SMG7: variants seen among roughly 807,000 people sequenced by gnomAD.
SMG7 encodes SMG7 nonsense mediated mRNA decay factor.
SMG7 carries 34 observed loss-of-function variants against 148.2 expected under a neutral mutation model. The observed-to-expected ratio is 0.23, with a 90% CI of 0.17 to 0.31. The LOEUF (loss-of-function observed/expected upper bound fraction) is 0.31. Ranked by LOEUF, SMG7 falls within the 10% of genes least tolerant of loss-of-function variation. The pLI is 1.00. For synonymous variants in SMG7, 492 were observed against 515.1 expected (o/e 0.96, Z 0.61); for missense variants, 1,114 against 1,408.4 (o/e 0.79, Z 3.35).
intron 12 of SMG7, 81 bp from the exon 13 acceptor site, chr1:183,540,903 C>A: frequency 7.4e-7 from 1 of 1,353,158 alleles, no homozygotes. Context: ...GAAGCCATTA[C>A]AGTTAATCAG....
intron 1 of SMG7, among the ~76,000 whole-genome samples, chr1:183,504,558 C>CA (rs1384866582): frequency 6.6e-6 from 1 of 152,084 alleles, no homozygotes; most frequent in Non-Finnish European, 1.5e-5. Flanking sequence ...AGGCTGGTCT[C>CA]AAACTCCTGA....
At position 183,553,161 on chromosome 1, in the gene SMG7, G is replaced by A. The variant is rs768308015; in HGVS notation, c.*1230G>A. Reference sequence around the variant, plus strand: ...GCCCATCAGGCACAGAAGAAAACACGACGTCGTCCATTTTGGAAGAGACGA... The same window carrying A: ...GCCCATCAGGCACAGAAGAAAACACAACGTCGTCCATTTTGGAAGAGACGA... On this transcript the variant is annotated 3_prime_UTR_variant, in exon 23 of 23. Coordinates refer to ENST00000688051, the MANE Select transcript of SMG7 (RefSeq NM_001375584.1). The A allele has an allele frequency of 8.1e-5, 125 of 1,536,336 alleles. No homozygotes were observed. The highest frequency in any genetic ancestry group is 9.7e-5 in the Non-Finnish European group (111 of 1,146,926).
At chr1:183,482,568 T>G (rs762472580) in intron 1 of SMG7, among the ~76,000 whole-genome samples, 3 of 152,100 alleles carry the variant, frequency 2.0e-5, no homozygotes, top group Non-Finnish European at 4.4e-5. Context: ...TAACTAAAAG[T>G]AGGTGGTCAG....
chr1:183,542,225 G>C lies in SMG7; in HGVS notation c.1565G>C (p.Gly522Ala). 1 of 1,613,970 alleles carries C rather than the reference G, an allele frequency of 6.2e-7. No homozygotes were observed. The highest frequency in any genetic ancestry group is 8.5e-7 in the Non-Finnish European group (1 of 1,179,964). Reference protein sequence around the residue: ...IESLAADGSPGLKSVLSTSRN... With the variant: ...IESLAADGSPALKSVLSTSRN... ...TCGCTGGCTGCAGATGGGAGCCCAGGGCTAAAATCAGTGCTATCTACAAGC... is the reference window on the plus strand; with the variant it reads ...TCGCTGGCTGCAGATGGGAGCCCAGCGCTAAAATCAGTGCTATCTACAAGC... Residue 522 changes from glycine (G) to alanine (A), a missense_variant, in exon 14 of 23, where the codon GGG becomes GCG. This residue lies in a region of SMG7 where 788 missense variants were observed against 894.5 expected (regional missense o/e 0.88). Coordinates refer to ENST00000688051, the MANE Select transcript of SMG7 (RefSeq NM_001375584.1).
intron 17 of SMG7, 38 bp from the exon 18 acceptor site, chr1:183,547,065 C>A (rs1248460110): frequency 6.5e-6 from 10 of 1,533,840 alleles, no homozygotes; most frequent in South Asian, 2.4e-5. Flanking sequence ...CTTTTGTTAT[C>A]CCTTATTGCT....
chr1:183,527,922 T>C lies in SMG7; in HGVS notation c.485-34T>C. 6.4e-7 allele frequency: 1 copy of C among 1,556,210 alleles called. No homozygotes were observed. The highest frequency in any genetic ancestry group is 2.2e-5 in the East Asian group (1 of 44,464). On this transcript the variant is annotated intron_variant, in intron 5 of 22. Transcript: ENST00000688051. The surrounding 1 kb of genome is among the most constrained non-coding windows in gnomAD (Gnocchi z 4.0). ...GAAATACTACCCTACTGTTTGTTTT[T>C]TGGGTTTTTTAAAACTAATTTTCTT...
chr1:183,493,831 T>C (rs573943786), intron 1 of SMG7, among the ~76,000 whole-genome samples: 22 of 152,288 alleles, frequency 1.4e-4, no homozygotes, highest in Admixed American at 4.6e-4. Context: ...CTGCCCGCCC[T>C]GGCCTCCCAG....
Position 183,544,448 on chromosome 1 carries a change from C to A in SMG7, c.1938C>A (p.Phe646Leu). Residue 646 changes from phenylalanine to leucine, a missense_variant, in exon 15 of 23, where the codon TTC becomes TTA. Phe to Leu is a conservative substitution (Grantham distance 22). Transcript: ENST00000688051. ...CAACTCAAGCAAGTAACTCCCAGTT[C>A]ATCCCCATTCATCACCCTGGAGCCT... is the stretch of plus-strand genomic sequence containing the variant. ...QTPTQASNSQ[F>L]IPIHHPGAFP... The A allele has an allele frequency of 1.9e-6, 3 of 1,613,988 alleles. No homozygotes were observed. The highest frequency in any genetic ancestry group is 2.5e-6 in the Non-Finnish European group (3 of 1,179,880).
rs934855766 is a variant in SMG7, at chr1:183,545,306, C to T, written c.2364C>T (p.Phe788=). 1.2e-6 allele frequency: 2 copies of T among 1,608,098 alleles called. No individual in the cohort carries two copies. Among genetic ancestry groups the T allele is most frequent in the Non-Finnish European group, 1.7e-6 (2 of 1,179,732 alleles). Residue 788 remains phenylalanine, a synonymous_variant, in exon 16 of 23, where the codon TTC becomes TTT. Transcript: ENST00000688051. ...LGKSPPHHSG[F]QQYQQADASK... ...AAAGCCCGCCTCACCACTCTGGATT[C>T]CAGCAGGTAAGTTACAGTTGTGTGT...
rs190194976 is a variant in SMG7 at position 183,527,464 on chromosome 1, A to C, written c.485-492A>C. On this transcript the variant is annotated intron_variant, in intron 5 of 22. Coordinates refer to ENST00000688051, the MANE Select transcript of SMG7 (RefSeq NM_001375584.1). The surrounding 1 kb of genome is among the most constrained non-coding windows in gnomAD (Gnocchi z 4.0). ...GAGTTTGGCAGGGAGATTCATTGAT[A>C]CTGTGTTTAGGTTGTTTTGCTTTAA... is the stretch of plus-strand genomic sequence containing the variant. 1.2e-3 allele frequency among the ~76,000 whole-genome samples: 186 copies of C among 152,318 alleles called. 1 individual carries two copies. The highest frequency in any genetic ancestry group is 2.7e-3 in the Admixed American group (41 of 15,290).
At chr1:183,504,088 TTGTATTC>T (rs752552638) in intron 1 of SMG7, among the ~76,000 whole-genome samples, 11 of 152,210 alleles carry the variant, frequency 7.2e-5, no homozygotes, top group Non-Finnish European at 1.6e-4. Context: ...ATCTTTTTAG[TTGTATTC>T]TAGGCATATG....
At chr1:183,543,426 A>G (rs1255676183) in intron 14 of SMG7, among the ~76,000 whole-genome samples, 1 of 152,158 alleles carries the variant, frequency 6.6e-6, no homozygotes, top group Non-Finnish European at 1.5e-5. Context: ...AAGGAGAGAA[A>G]CAGAAAGACA....
intron 1 of SMG7, among the ~76,000 whole-genome samples, chr1:183,491,789 C>G (rs1050417764): frequency 2.0e-5 from 3 of 152,132 alleles, no homozygotes; most frequent in African/African-American, 4.8e-5. Context: ...ATTTATTTCT[C>G]ACAGATCCAG....
In SMG7 at chr1:183,472,583, G is replaced by A. The variant is rs1273200664; in HGVS notation, c.-38G>A. The A allele has an allele frequency of 3.5e-6, 5 of 1,423,930 alleles. No homozygotes were observed. The highest frequency in any genetic ancestry group is 4.6e-6 in the Non-Finnish European group (5 of 1,078,676). 88.2% of individuals were successfully genotyped at this position (1,423,930 alleles called of 1,614,324 possible). On this transcript the variant is annotated 5_prime_UTR_variant, in exon 1 of 23. Coordinates refer to ENST00000688051, the MANE Select transcript of SMG7 (RefSeq NM_001375584.1). The stretch of plus-strand genomic sequence containing the variant: ...GCTCCGAGGAGCCTGAGAGACCCAC[G>A]GAGGCTTCGCGGGAAGACGCGGCGG...
intron 1 of SMG7, among the ~76,000 whole-genome samples, chr1:183,505,711 C>G (rs569482016): frequency 1.7e-3 from 255 of 152,298 alleles, no homozygotes; most frequent in Non-Finnish European, 1.6e-3. Flanking sequence ...ATGGGTGTAG[C>G]CCTGAACACT....
chr1:183,550,863 T>C lies in SMG7; in HGVS notation c.3246T>C (p.Ile1082=). Reference sequence around the variant, plus strand: ...TTCCATTCTCCAATTTTGGACCCATTGGGACTCCAGATAACAGGGATAGAA... The same window carrying C: ...TTCCATTCTCCAATTTTGGACCCATCGGGACTCCAGATAACAGGGATAGAA... The part of the protein sequence containing the change: ...NSVPFSNFGP[I]GTPDNRDRRT... The change falls in exon 21 of 23, where the codon ATT becomes ATC. Residue 1082 remains isoleucine, a synonymous_variant. Transcript: ENST00000688051. 6.2e-7 allele frequency: 1 copy of C among 1,614,122 alleles called. No individual in the cohort carries two copies. The highest frequency in any genetic ancestry group is 8.5e-7 in the Non-Finnish European group (1 of 1,179,988).
At chr1:183,541,916 T>C (rs1344544453) in intron 13 of SMG7, among the ~76,000 whole-genome samples, 160 bp from the exon 14 acceptor site, 2 of 152,254 alleles carry the variant, frequency 1.3e-5, no homozygotes, top group African/African-American at 4.8e-5. Context: ...CCTCAGTTTC[T>C]ACATAACTAC....
intron 14 of SMG7, 120 bp from the exon 15 acceptor site, chr1:183,544,233 T>C (rs868732344): frequency 3.0e-5 from 20 of 673,434 alleles, no homozygotes; most frequent in Middle Eastern, 7.9e-4. Context: ...AATTTAAATA[T>C]CTTCAGCATG....
intron 12 of SMG7, among the ~76,000 whole-genome samples, chr1:183,540,486 TCTGATA>T (rs2102715699): frequency 6.6e-6 from 1 of 152,232 alleles, no homozygotes; most frequent in Admixed American, 6.5e-5. Flanking sequence ...GGTTTACCCT[TCTGATA>T]TCAATGAGTT....
Sources: gnomAD v4.1 joint callset for allele counts (sites outside exome capture counted in the v4.1 genomes callset) on GRCh38, gnomAD v4.1.1 for gene constraint, gnomAD v4.1.1 regional missense constraint, Gnocchi (gnomAD v3.1) non-coding constraint, MANE v1.5 for transcripts, NCBI Gene and HGNC (gene_info 2026-07-23, HGNC 2026-07-21) for gene names.